Variants in TTC28 observed in about 807,000 individuals in gnomAD.
TTC28 encodes tetratricopeptide repeat protein 28.
A neutral mutation model predicts 198.0 loss-of-function variants in TTC28; 61 were observed. That is an observed-to-expected ratio of 0.31 (90% confidence interval 0.25 to 0.38). The LOEUF (loss-of-function observed/expected upper bound fraction) is 0.38. Ranked by LOEUF, TTC28 falls within the 10% of genes least tolerant of loss-of-function variation. The pLI, the probability that TTC28 is intolerant of heterozygous loss-of-function variation, is 1.00. For synonymous variants in TTC28, 1,171 were observed against 1,297.8 expected (o/e 0.90, Z 2.10); for missense variants, 2,678 against 3,164.0 (o/e 0.85, Z 3.69).
At chr22:28,136,007 T>C (rs576320441) in intron 6 of TTC28, among the ~76,000 whole-genome samples, 4 of 152,342 alleles carry the variant, frequency 2.6e-5, no homozygotes, top group South Asian at 2.1e-4. Context: ...TCACAATCAA[T>C]TGCAGAATAA....
At chr22:28,094,008 A>G in intron 12 of TTC28, 72 bp downstream of exon 12, 2 of 1,423,242 alleles carry the variant, frequency 1.4e-6, no homozygotes, top group Non-Finnish European at 1.9e-6. Flanking sequence ...TGTTAGCTCA[A>G]ATAGGATGTT....
chr22:28,466,635 T>TAA (rs1281988461), intron 2 of TTC28, among the ~76,000 whole-genome samples: 1 of 152,158 alleles, frequency 6.6e-6, no homozygotes, highest in Non-Finnish European at 1.5e-5. Flanking sequence ...ATAAATGCAT[T>TAA]AAGCCAGATG....
chr22:28,105,778 G>A lies in TTC28; in HGVS notation c.2808C>T (p.Ala936=), dbSNP rs1184501049. 1.3e-6 allele frequency: 2 copies of A among 1,550,946 alleles called. No homozygotes were observed. Among genetic ancestry groups the A allele is most frequent in the Non-Finnish European group, 1.7e-6 (2 of 1,146,794 alleles). The change falls in exon 8 of 23, where the codon GCC becomes GCT. Residue 936 remains alanine, a synonymous_variant. Transcript: ENST00000397906. ...GHRAMGSLQQ[A]LVCFEKRLVV... is the part of the protein sequence containing the mutation. ...CGAGCCTCTTTTCAAAGCACACAAG[G>A]GCTTGCTGCAAGCTCCCCATTGCCC... is the stretch of plus-strand genomic sequence containing the variant.
At chr22:28,656,173 A>C (rs1000387443) in intron 1 of TTC28, among the ~76,000 whole-genome samples, 3 of 152,200 alleles carry the variant, frequency 2.0e-5, no homozygotes, top group African/African-American at 4.8e-5. Flanking sequence ...GACTTCTGAG[A>C]GGGCACTACT....
chr22:27,989,738 T>A, intron 21 of TTC28, 140 bp downstream of exon 21: 2 of 1,169,922 alleles, frequency 1.7e-6, no homozygotes, highest in South Asian at 3.3e-5. Context: ...TGAGCCACTG[T>A]ACCCAGCCTG....
rs1937029125 is a variant in TTC28, at chr22:27,981,726, T to TAA, written c.*493_*494dup. The TAA allele has an allele frequency of 1.3e-5, 2 of 153,056 alleles. No individual in the cohort carries two copies. Among genetic ancestry groups the TAA allele is most frequent in the Admixed American group, 6.5e-5 (1 of 15,300 alleles). 9.5% of individuals were successfully genotyped at this position (153,056 alleles called of 1,614,324 possible). On this transcript the variant is annotated 3_prime_UTR_variant, in exon 23 of 23. Coordinates refer to ENST00000397906, the MANE Select transcript of TTC28 (RefSeq NM_001145418.2). ...ACCATTTTTCTGTTTTTGGCTAATA[T>TAA]AACACTTTCCTGTAGAATTCAACTG...
intron 12 of TTC28, among the ~76,000 whole-genome samples, chr22:28,052,941 G>A (rs905638962): frequency 9.7e-4 from 148 of 152,326 alleles, no homozygotes; most frequent in African/African-American, 3.2e-3. Flanking sequence ...TGTCCTGTGC[G>A]ACGTGAAAGG....
intron 3 of TTC28, among the ~76,000 whole-genome samples, chr22:28,299,201 C>T (rs1351577213): frequency 2.0e-5 from 3 of 151,574 alleles, no homozygotes; most frequent in African/African-American, 7.3e-5. Context: ...ATTAGCTTTC[C>T]TGAAAAACTA....
chr22:28,134,117 A>G (rs1262990332), intron 6 of TTC28, among the ~76,000 whole-genome samples: 1 of 152,222 alleles, frequency 6.6e-6, no homozygotes, highest in Admixed American at 6.5e-5. Flanking sequence ...AGTGGACTCC[A>G]GCAAACTCCA....
intron 2 of TTC28, 143 bp from the exon 3 acceptor site, chr22:28,306,786 G>T (rs1321406970): frequency 1.8e-5 from 15 of 842,612 alleles, no homozygotes; most frequent in Non-Finnish European, 2.7e-5. Flanking sequence ...GTAATGAAAT[G>T]AACTAACTTC....
At chr22:28,014,474 G>A in intron 13 of TTC28, 82 bp from the exon 14 acceptor site, 3 of 1,434,612 alleles carry the variant, frequency 2.1e-6, no homozygotes, top group African/African-American at 1.4e-5. Context: ...CCATGCCCCT[G>A]TATGGAAGGC....
chr22:28,108,535 G>A (rs1385558732), intron 6 of TTC28, 132 bp from the exon 7 acceptor site: 6 of 804,926 alleles, frequency 7.5e-6, no homozygotes, highest in Non-Finnish European at 8.6e-6. Context: ...ATAACAGAAG[G>A]TAGAATTAAA....
intron 5 of TTC28, among the ~76,000 whole-genome samples, chr22:28,205,207 AAC>A (rs140266117): frequency 1.3e-5 from 2 of 151,436 alleles, no homozygotes; most frequent in Admixed American, 6.6e-5. Flanking sequence ...GTTTTAACGC[AAC>A]ACACACACAC....
At chr22:28,374,744 C>T (rs538001064) in intron 2 of TTC28, among the ~76,000 whole-genome samples, 25 of 152,252 alleles carry the variant, frequency 1.6e-4, no homozygotes, top group Admixed American at 3.3e-4. Context: ...TGCAGTGGCA[C>T]GATCTCGGCT....
chr22:28,000,833 A>T (rs1937654508), intron 15 of TTC28: 1 of 152,626 alleles, frequency 6.6e-6, no homozygotes, highest in Admixed American at 6.5e-5. Flanking sequence ...CAAATTGATT[A>T]TTCTTGCTGA....
intron 2 of TTC28, among the ~76,000 whole-genome samples, chr22:28,331,338 C>G (rs2045613638): frequency 6.6e-6 from 1 of 152,004 alleles, no homozygotes; most frequent in Non-Finnish European, 1.5e-5. Flanking sequence ...TAAGGAAAAC[C>G]TTTTTCCATA....
chr22:28,210,815 C>A (rs1926874136), intron 5 of TTC28, among the ~76,000 whole-genome samples: 2 of 152,082 alleles, frequency 1.3e-5, no homozygotes, highest in Non-Finnish European at 2.9e-5. Flanking sequence ...TTGACAAGAG[C>A]AACTCCAAGA....
At chr22:28,093,502 G>A (rs928082122) in intron 12 of TTC28, among the ~76,000 whole-genome samples, 14 of 152,168 alleles carry the variant, frequency 9.2e-5, no homozygotes, top group Admixed American at 5.9e-4. Flanking sequence ...GGTGCTTGTG[G>A]AAATTATTTT....
In TTC28 at chr22:27,985,333, G is replaced by C; in HGVS notation, c.5731C>G (p.Gln1911Glu). The C allele has an allele frequency of 6.4e-7, 1 of 1,551,260 alleles. No homozygotes were observed. The highest frequency in any genetic ancestry group is 8.7e-7 in the Non-Finnish European group (1 of 1,146,738). Reference protein sequence around the residue: ...ALGFDLCEVGQEEVILKTGKQ... With the variant: ...ALGFDLCEVGEEEVILKTGKQ... ...CCGGTTTTCAGGATTACTTCCTCCT[G>C]ACCAACTTCACAGAGATCAAAACCT... The change falls in exon 22 of 23, where the codon CAG becomes GAG. Residue 1911 changes from glutamine (Q) to glutamate (E), a missense_variant. This residue lies in a region of TTC28 where 314 missense variants were observed against 442.7 expected (regional missense o/e 0.71). Transcript: ENST00000397906.
Sources: gnomAD v4.1 joint callset for allele counts (sites outside exome capture counted in the v4.1 genomes callset) on GRCh38, gnomAD v4.1.1 for gene constraint, gnomAD v4.1.1 regional missense constraint, MANE v1.5 for transcripts, NCBI Gene and HGNC (gene_info 2026-07-23, HGNC 2026-07-21) for gene names.